The following ITGBL1 variants were observed in gnomAD, a reference collection of about 807,000 sequenced individuals.
ITGBL1 encodes the protein integrin beta-like protein 1.
ITGBL1 carries 51 observed loss-of-function variants against 68.5 expected under a neutral mutation model. The observed-to-expected ratio is 0.74, with a 90% CI of 0.59 to 0.94. The LOEUF (loss-of-function observed/expected upper bound fraction) is 0.94. ITGBL1 is among the 40% of genes least tolerant of loss of function. ITGBL1 has a pLI of 0.00. For synonymous variants in ITGBL1, 209 were observed against 227.3 expected, an observed-to-expected ratio of 0.92 and a Z score of 0.72; for missense variants, 649 against 647.4, an observed-to-expected ratio of 1.00 and a Z score of -0.03.
intron 2 of ITGBL1, among the ~76,000 whole-genome samples, chr13:101,552,617 C>T (rs1306216409): frequency 6.6e-6 from 1 of 152,048 alleles, no homozygotes; most frequent in Non-Finnish European, 1.5e-5. Flanking sequence ...TATTAACTAC[C>T]CACTTTACAA....
intron 2 of ITGBL1, among the ~76,000 whole-genome samples, chr13:101,550,054 A>G (rs2049895527): frequency 1.3e-5 from 2 of 152,200 alleles, no homozygotes; most frequent in Admixed American, 6.5e-5. Flanking sequence ...TTATGGCTAT[A>G]TACTATAGTC....
chr13:101,656,237 G>T (rs923231071), intron 7 of ITGBL1, among the ~76,000 whole-genome samples: 6 of 152,074 alleles, frequency 3.9e-5, no homozygotes, highest in Non-Finnish European at 8.8e-5. Flanking sequence ...AGATGTCAAA[G>T]GTTTCCCATT....
intron 2 of ITGBL1, among the ~76,000 whole-genome samples, chr13:101,527,903 A>G (rs1380130530): frequency 1.3e-5 from 2 of 151,984 alleles, no homozygotes; most frequent in Non-Finnish European, 2.9e-5. Flanking sequence ...ACATTTATAT[A>G]TTCTTGATAG....
At chr13:101,589,857 T>C (rs933249078) in intron 6 of ITGBL1, among the ~76,000 whole-genome samples, 7 of 152,342 alleles carry the variant, frequency 4.6e-5, no homozygotes, top group African/African-American at 1.7e-4. Context: ...ATGTTCATGA[T>C]GTTGCATTAA....
intron 2 of ITGBL1, among the ~76,000 whole-genome samples, chr13:101,460,760 A>T (rs1354285794): frequency 6.8e-6 from 1 of 147,044 alleles, no homozygotes; most frequent in East Asian, 2.0e-4. Context: ...ATGGAAAGTG[A>T]GGAGGGACTG....
intron 7 of ITGBL1, among the ~76,000 whole-genome samples, chr13:101,653,824 G>A (rs1012993008): frequency 6.6e-6 from 1 of 150,954 alleles, no homozygotes; most frequent in Non-Finnish European, 1.5e-5. Flanking sequence ...GAGTAGCTGG[G>A]ACTACAGGTG....
At chr13:101,597,073 T>C (rs2139321672) in intron 6 of ITGBL1, among the ~76,000 whole-genome samples, 2 of 152,248 alleles carry the variant, frequency 1.3e-5, no homozygotes, top group South Asian at 4.2e-4. Context: ...TCACTTTGGG[T>C]AATAGTGATG....
chr13:101,500,918 C>A (rs1441096936), intron 2 of ITGBL1, among the ~76,000 whole-genome samples: 1 of 152,190 alleles, frequency 6.6e-6, no homozygotes, highest in East Asian at 1.9e-4. Flanking sequence ...CCTATCCCAA[C>A]TTCATTACCT....
chr13:101,613,292 G>A (rs1164593144), intron 7 of ITGBL1, among the ~76,000 whole-genome samples: 4 of 152,076 alleles, frequency 2.6e-5, no homozygotes, highest in Non-Finnish European at 4.4e-5. Flanking sequence ...CAAGGTCAAC[G>A]TTCATTCATT....
chr13:101,504,779 T>A (rs1283645426), intron 2 of ITGBL1, among the ~76,000 whole-genome samples: 1 of 152,230 alleles, frequency 6.6e-6, no homozygotes, highest in Non-Finnish European at 1.5e-5. Context: ...CTGCTATGAC[T>A]TGCTTTGGTA....
At chr13:101,581,629 G>A (rs150981331) in intron 5 of ITGBL1, among the ~76,000 whole-genome samples, 6 of 152,060 alleles carry the variant, frequency 3.9e-5, no homozygotes, top group African/African-American at 9.7e-5. Context: ...TTATTACTTA[G>A]TGATTGCTAG....
chr13:101,706,921 G>A lies in ITGBL1; in HGVS notation c.1279+19G>A. 1 of 1,609,692 alleles carries A rather than the reference G, an allele frequency of 6.2e-7. No individual in the cohort carries two copies. Among genetic ancestry groups the A allele is most frequent in the South Asian group, 1.1e-5 (1 of 90,626 alleles). On this transcript the variant is annotated intron_variant, in intron 9 of 10. Coordinates refer to ENST00000376180, the MANE Select transcript of ITGBL1 (RefSeq NM_004791.3). ...GGGAAGGGTGAGTATCTCTGCTGGT[G>A]CCTGGACTCCATTCCTGTTCTGACA...
At chr13:101,460,417 C>T (rs2048302401) in intron 2 of ITGBL1, among the ~76,000 whole-genome samples, 1 of 152,204 alleles carries the variant, frequency 6.6e-6, no homozygotes, top group Non-Finnish European at 1.5e-5. Context: ...GCATGTAAGC[C>T]ATTTTTCGGG....
At chr13:101,454,168 C>G (rs974031126) in intron 2 of ITGBL1, 68 bp downstream of exon 2, 4 of 1,215,970 alleles carry the variant, frequency 3.3e-6, no homozygotes, top group Admixed American at 5.2e-5. Context: ...CTGCCACTCC[C>G]TAGAAGAGTG....
intron 9 of ITGBL1, among the ~76,000 whole-genome samples, chr13:101,708,524 A>G (rs2034313953): frequency 6.6e-6 from 1 of 152,216 alleles, no homozygotes; most frequent in African/African-American, 2.4e-5. Flanking sequence ...GAACCACACC[A>G]GTGAGGCTGC....
intron 7 of ITGBL1, among the ~76,000 whole-genome samples, chr13:101,639,085 C>G (rs1367110766): frequency 1.3e-5 from 2 of 152,134 alleles, no homozygotes; most frequent in Non-Finnish European, 2.9e-5. Context: ...ACGCCCCAGT[C>G]CTGTCTCCTA....
intron 2 of ITGBL1, among the ~76,000 whole-genome samples, chr13:101,509,547 ATGT>A (rs1253002506): frequency 6.6e-6 from 1 of 152,094 alleles, no homozygotes; most frequent in East Asian, 1.9e-4. Flanking sequence ...TACTTAGCAC[ATGT>A]TGTGATTGTT....
chr13:101,567,180 A>C (rs1001927004), intron 2 of ITGBL1, among the ~76,000 whole-genome samples: 3 of 152,152 alleles, frequency 2.0e-5, no homozygotes, highest in Admixed American at 6.6e-5. Context: ...CAAAATATAT[A>C]CGTATTTTAT....
At chr13:101,524,386 A>C (rs1272590014) in intron 2 of ITGBL1, among the ~76,000 whole-genome samples, 2 of 69,894 alleles carry the variant, frequency 2.9e-5, no homozygotes, top group African/African-American at 1.2e-4. Flanking sequence ...ATGTATTCTT[A>C]TTCTTTTTTT....
Sources: gnomAD v4.1 joint callset for allele counts (sites outside exome capture counted in the v4.1 genomes callset) on GRCh38, gnomAD v4.1.1 for gene constraint, MANE v1.5 for transcripts, NCBI Gene and HGNC (gene_info 2026-07-23, HGNC 2026-07-21) for gene names.